The following WDR70 variants were observed in gnomAD, a reference collection of about 807,000 sequenced individuals.
WDR70 encodes WD repeat domain 70, also known as WD repeat-containing protein 70.
A neutral mutation model predicts 88.6 loss-of-function variants in WDR70; 53 were observed. That is an observed-to-expected ratio of 0.60 (90% CI 0.48 to 0.75). WDR70 has a LOEUF of 0.75. WDR70 is among the 30% of genes least tolerant of loss of function. WDR70 has a pLI of 0.00. For synonymous variants in WDR70, 280 were observed against 270.0 expected, an observed-to-expected ratio of 1.04 and a Z score of -0.36; for missense variants, 610 against 823.2, an observed-to-expected ratio of 0.74 and a Z score of 3.17.
chr5:37,601,293 G>A (rs892218362), intron 9 of WDR70, among the ~76,000 whole-genome samples: 1 of 152,118 alleles, frequency 6.6e-6, no homozygotes, highest in African/African-American at 2.4e-5. Context: ...TGTGGTTTCT[G>A]TTCTTAATTT....
intron 5 of WDR70, among the ~76,000 whole-genome samples, chr5:37,417,785 G>T (rs1232892332): frequency 6.6e-6 from 1 of 152,192 alleles, no homozygotes; most frequent in East Asian, 1.9e-4. Flanking sequence ...TGGCTCAAGT[G>T]ATCCTCTTGC....
chr5:37,500,786 C>A (rs548792427), intron 8 of WDR70, among the ~76,000 whole-genome samples: 1 of 124,512 alleles, frequency 8.0e-6, no homozygotes, highest in Non-Finnish European at 1.6e-5. Flanking sequence ...AGTGCAATGG[C>A]GCGATCTCAG....
chr5:37,620,687 C>T (rs1490949422), intron 10 of WDR70, among the ~76,000 whole-genome samples: 2 of 152,020 alleles, frequency 1.3e-5, no homozygotes, highest in Non-Finnish European at 2.9e-5. Flanking sequence ...GTTTTTATGA[C>T]CCACTAATGA....
At chr5:37,603,805 AT>A (rs1743954558) in intron 9 of WDR70, among the ~76,000 whole-genome samples, 1 of 152,024 alleles carries the variant, frequency 6.6e-6, no homozygotes, top group African/African-American at 2.4e-5. Flanking sequence ...TTATGTATTG[AT>A]TATAAAAATA....
chr5:37,479,759 T>C, intron 7 of WDR70, 75 bp from the exon 8 acceptor site: 1 of 1,456,852 alleles, frequency 6.9e-7, no homozygotes, highest in Non-Finnish European at 9.3e-7. Context: ...TTTTTTTTTC[T>C]GGCAATACTT....
intron 10 of WDR70, among the ~76,000 whole-genome samples, chr5:37,672,274 A>G (rs1298035468): frequency 6.6e-6 from 1 of 151,980 alleles, no homozygotes; most frequent in African/African-American, 2.4e-5. Context: ...GCCTCGTGGG[A>G]AGGGAAAGAC....
In WDR70 at chr5:37,551,768, G is replaced by GGTT. The variant is rs1561898416; in HGVS notation, c.917+35178_917+35179insGTT. 2.2e-5 allele frequency among the ~76,000 whole-genome samples: 2 copies of GGTT among 92,756 alleles called. 1 individual carries two copies. 60.9% of individuals were successfully genotyped at this position (92,756 alleles called of 152,430 possible). On this transcript the variant is annotated intron_variant, in intron 9 of 17. Coordinates refer to ENST00000265107, the MANE Select transcript of WDR70 (RefSeq NM_018034.4). ...TTATTTTTTATTGTTTCATTGTTTA[G>GGTT]TTTTTTTTTTTTTTTTTTTTTTGAG...
At chr5:37,393,074 A>G (rs7702907) in intron 4 of WDR70, among the ~76,000 whole-genome samples, 15,915 of 150,530 alleles carry the variant, frequency 0.11, 2,706 homozygotes, top group African/African-American at 0.36. Flanking sequence ...TTGGAGTCTC[A>G]CTCTGTTGCC....
At chr5:37,631,053 C>A (rs540866131) in intron 10 of WDR70, among the ~76,000 whole-genome samples, 1 of 152,274 alleles carries the variant, frequency 6.6e-6, no homozygotes, top group Admixed American at 6.5e-5. Flanking sequence ...TTCCCTCCGA[C>A]GCCAGGCAGA....
chr5:37,690,642 T>G (rs887627028), intron 10 of WDR70, among the ~76,000 whole-genome samples: 1 of 152,198 alleles, frequency 6.6e-6, no homozygotes, highest in African/African-American at 2.4e-5. Flanking sequence ...TAAAATCCTT[T>G]ACAGACAAGC....
chr5:37,563,120 C>CG (rs1362148017), intron 9 of WDR70, among the ~76,000 whole-genome samples: 1 of 65,606 alleles, frequency 1.5e-5, no homozygotes, highest in Admixed American at 1.7e-4. Flanking sequence ...GCTGGCTGGG[C>CG]GGGGGGCTGA....
intron 5 of WDR70, among the ~76,000 whole-genome samples, chr5:37,401,751 C>T (rs1043998310): frequency 1.3e-5 from 2 of 152,080 alleles, no homozygotes; most frequent in Non-Finnish European, 1.5e-5. Flanking sequence ...AGTCATTGTG[C>T]CTGGCCAAGA....
At chr5:37,587,956 T>C (rs1743413388) in intron 9 of WDR70, among the ~76,000 whole-genome samples, 1 of 152,046 alleles carries the variant, frequency 6.6e-6, no homozygotes. Context: ...TTGTCTCTAC[T>C]AAAAGTAGAG....
intron 10 of WDR70, among the ~76,000 whole-genome samples, chr5:37,674,552 G>T (rs941089136): frequency 1.3e-5 from 2 of 152,116 alleles, no homozygotes; most frequent in Non-Finnish European, 2.9e-5. Flanking sequence ...TCCCTACAAA[G>T]GACATGACCT....
chr5:37,463,823 T>G (rs1395115473), intron 7 of WDR70, among the ~76,000 whole-genome samples: 1 of 152,222 alleles, frequency 6.6e-6, no homozygotes. Flanking sequence ...CTTTTAACTC[T>G]GTGGCTAGCA....
At chr5:37,485,522 G>A (rs530922062) in intron 8 of WDR70, among the ~76,000 whole-genome samples, 2 of 152,250 alleles carry the variant, frequency 1.3e-5, no homozygotes, top group South Asian at 4.1e-4. Context: ...GCATAGTGCT[G>A]AAGTGCTGCT....
At chr5:37,557,080 A>G (rs1223825173) in intron 9 of WDR70, among the ~76,000 whole-genome samples, 1 of 152,130 alleles carries the variant, frequency 6.6e-6, no homozygotes, top group Non-Finnish European at 1.5e-5. Flanking sequence ...GACCTGTGTA[A>G]CTGCTAAAAA....
chr5:37,540,000 A>G (rs965521498), intron 9 of WDR70, among the ~76,000 whole-genome samples: 2 of 152,184 alleles, frequency 1.3e-5, no homozygotes, highest in African/African-American at 4.8e-5. Context: ...TGATCTACTC[A>G]GTGTTTGATT....
intron 10 of WDR70, among the ~76,000 whole-genome samples, chr5:37,689,190 A>G (rs1746704563): frequency 6.6e-6 from 1 of 152,244 alleles, no homozygotes; most frequent in Non-Finnish European, 1.5e-5. Flanking sequence ...AGGAAGCTTG[A>G]ACTGGGTGGA....
Sources: gnomAD v4.1 joint callset for allele counts (sites outside exome capture counted in the v4.1 genomes callset) on GRCh38, gnomAD v4.1.1 for gene constraint, MANE v1.5 for transcripts, NCBI Gene and HGNC (gene_info 2026-07-23, HGNC 2026-07-21) for gene names.